Variants in SGIP1 observed in about 807,000 individuals in gnomAD.
SGIP1 encodes SH3GL interacting endocytic adaptor 1, also known as SH3-containing GRB2-like protein 3-interacting protein 1.
Under a neutral mutation model 107.5 loss-of-function variants are expected in SGIP1, and 38 were observed. The ratio of observed to expected loss-of-function variants is 0.35; its 90% CI spans 0.27 to 0.46. SGIP1 has a LOEUF of 0.46. Among genes scored for constraint, SGIP1 ranks in the 20% least tolerant of loss-of-function variants. SGIP1 has a pLI of 1.00. For missense variants in SGIP1, 929 were observed against 1,019.5 expected, an observed-to-expected ratio of 0.91 and a Z score of 1.21; for synonymous variants, 365 against 366.1, an observed-to-expected ratio of 1.00 and a Z score of 0.03.
At chr1:66,632,167 T>C (rs1223883995) in intron 2 of SGIP1, among the ~76,000 whole-genome samples, 2 of 152,204 alleles carry the variant, frequency 1.3e-5, no homozygotes, top group Non-Finnish European at 2.9e-5. Context: ...TCTCTATATA[T>C]TATCTTATTT....
chr1:66,740,899 C>T (rs1174973979), intron 23 of SGIP1, among the ~76,000 whole-genome samples, 177 bp downstream of exon 23: 1 of 152,106 alleles, frequency 6.6e-6, no homozygotes, highest in Non-Finnish European at 1.5e-5. Flanking sequence ...TTCTCTTTTT[C>T]CCCTTTTCTA....
intron 9 of SGIP1, 45 bp downstream of exon 9, chr1:66,667,586 T>C (rs770273978): frequency 1.2e-6 from 2 of 1,603,954 alleles, no homozygotes; most frequent in South Asian, 2.2e-5. Context: ...ATAGAGAAAA[T>C]TGCTGCCAAG....
At chr1:66,683,857 C>A (rs990507610) in intron 15 of SGIP1, among the ~76,000 whole-genome samples, 2 of 151,652 alleles carry the variant, frequency 1.3e-5, no homozygotes, top group African/African-American at 4.8e-5. Context: ...GTGTGTGCCA[C>A]CAGACCCAGC....
At chr1:66,697,447 T>C (rs570926327) in intron 18 of SGIP1, among the ~76,000 whole-genome samples, 1 of 152,214 alleles carries the variant, frequency 6.6e-6, no homozygotes. Flanking sequence ...TCTCTAGTAC[T>C]GTATTATCTT....
intron 1 of SGIP1, among the ~76,000 whole-genome samples, chr1:66,542,924 A>G (rs1436571236): frequency 2.6e-5 from 4 of 152,232 alleles, no homozygotes; most frequent in African/African-American, 9.7e-5. Context: ...TAACGGCGTA[A>G]CTGGAAAATC....
At chr1:66,583,016 A>G (rs2062030599) in intron 1 of SGIP1, among the ~76,000 whole-genome samples, 1 of 152,042 alleles carries the variant, frequency 6.6e-6, no homozygotes, top group African/African-American at 2.4e-5. Context: ...ACATATTTAT[A>G]ACATTTTTAT....
rs1414646435 is a variant in SGIP1 at position 66,745,755 on chromosome 1, A to G, written c.*2660A>G. ...TTAAAAGGTTCTGCTTTAGCAAGAT[A>G]AAAAGTATAAATGATGCTACTTTAT... On this transcript the variant is annotated 3_prime_UTR_variant, in exon 25 of 25. Coordinates refer to ENST00000371037, the MANE Select transcript of SGIP1 (RefSeq NM_032291.4). The G allele has an allele frequency of 6.6e-6, 1 of 152,128 alleles. No individual in the cohort carries two copies. The highest frequency in any genetic ancestry group is 1.9e-4 in the East Asian group (1 of 5,196). 9.4% of individuals were successfully genotyped at this position (152,128 alleles called of 1,614,324 possible).
In SGIP1 at chr1:66,600,185, A is replaced by G. The variant is rs192897376; in HGVS notation, c.11-25662A>G. On this transcript the variant is annotated intron_variant, in intron 1 of 24. Transcript: ENST00000371037. ...CCTTTGTGCCTTTGGGCTCATTTCA[A>G]TAGGTTTATAGAAATTTAATTTTTT... Among the ~76,000 whole-genome samples, 245 of 152,326 alleles carry G rather than the reference A, an allele frequency of 1.6e-3. 3 individuals carry two copies. The highest frequency in any genetic ancestry group is 3.2e-4 in the Non-Finnish European group (22 of 68,040).
chr1:66,643,015 C>A (rs563698222), intron 6 of SGIP1, 151 bp downstream of exon 6: 2 of 652,412 alleles, frequency 3.1e-6, no homozygotes, highest in East Asian at 2.8e-5. Flanking sequence ...ACTGAGAACA[C>A]CCTGAGCTCT....
intron 21 of SGIP1, among the ~76,000 whole-genome samples, chr1:66,736,855 A>G (rs1048625444): frequency 2.6e-5 from 4 of 152,056 alleles, no homozygotes; most frequent in Admixed American, 6.6e-5. Flanking sequence ...AAATTGTTGT[A>G]AGAAAACCAT....
At position 66,689,707 on chromosome 1, in the gene SGIP1, G is replaced by T. The variant is rs555940053; in HGVS notation, c.1443+432G>T. 9.2e-5 allele frequency among the ~76,000 whole-genome samples: 14 copies of T among 152,332 alleles called. No individual in the cohort carries two copies. The East Asian group carries it at 2.7e-3, about 29-fold the overall frequency. Reference sequence around the variant, plus strand: ...GTGGCTTGAGGAATTTGTTGCAGAAGTTTCTTGCCTTGTGTTTTAAGGCTG... The same window carrying T: ...GTGGCTTGAGGAATTTGTTGCAGAATTTTCTTGCCTTGTGTTTTAAGGCTG... On this transcript the variant is annotated intron_variant, in intron 16 of 24. Transcript: ENST00000371037.
intron 1 of SGIP1, among the ~76,000 whole-genome samples, chr1:66,541,181 GTTTA>G (rs953744529): frequency 6.6e-6 from 1 of 152,242 alleles, no homozygotes; most frequent in African/African-American, 2.4e-5. Flanking sequence ...GTCTGGAACT[GTTTA>G]TTTATTCATC....
At position 66,750,060 on chromosome 1, in the gene SGIP1, T is replaced by G. The variant is rs1025771917; in HGVS notation, c.*6965T>G. ...GGGTGTGTGTGTGTGTGTGTGTGTG[T>G]GTGTGTGTCTCTTTCCTCTCTGTCT... On this transcript the variant is annotated 3_prime_UTR_variant, in exon 25 of 25. Coordinates refer to ENST00000371037, the MANE Select transcript of SGIP1 (RefSeq NM_032291.4). Among the ~76,000 whole-genome samples, 2 of 151,582 alleles carry G rather than the reference T, an allele frequency of 1.3e-5. No homozygotes were observed. The highest frequency in any genetic ancestry group is 1.5e-5 in the Non-Finnish European group (1 of 67,842).
intron 1 of SGIP1, among the ~76,000 whole-genome samples, chr1:66,566,264 T>A (rs7537454): frequency 0.34 from 51,392 of 151,848 alleles, 9,351 homozygotes; most frequent in African/African-American, 0.48. Context: ...AAGATCGATG[T>A]GAATAATGAG....
chr1:66,586,649 A>C (rs1270988839), intron 1 of SGIP1, among the ~76,000 whole-genome samples: 5 of 152,090 alleles, frequency 3.3e-5, no homozygotes, highest in African/African-American at 4.8e-5. Context: ...TATTTCCTCT[A>C]TATGCTTTTA....
intron 1 of SGIP1, among the ~76,000 whole-genome samples, chr1:66,557,298 T>C (rs1288469716): frequency 6.6e-6 from 1 of 152,162 alleles, no homozygotes; most frequent in Non-Finnish European, 1.5e-5. Context: ...ATTTTCCCAT[T>C]CCATACTCAG....
chr1:66,597,203 C>T (rs1409558870), intron 1 of SGIP1, among the ~76,000 whole-genome samples: 1 of 152,164 alleles, frequency 6.6e-6, no homozygotes, highest in African/African-American at 2.4e-5. Context: ...GCTTCTCTCT[C>T]TCCTCCCAAC....
At chr1:66,589,637 T>G (rs2063306723) in intron 1 of SGIP1, among the ~76,000 whole-genome samples, 1 of 152,146 alleles carries the variant, frequency 6.6e-6, no homozygotes, top group Non-Finnish European at 1.5e-5. Context: ...ATGCCATATT[T>G]GTTTGTATGT....
Position 66,625,601 on chromosome 1 carries a change from G to T in SGIP1, c.11-246G>T, listed in dbSNP as rs117571012. On this transcript the variant is annotated intron_variant, in intron 1 of 24. Coordinates refer to ENST00000371037, the MANE Select transcript of SGIP1 (RefSeq NM_032291.4). ...ATCTTGCAATCTTTTCTATACCCAT[G>T]TATCCATATATCCTTATGTTGCTTA... Among the ~76,000 whole-genome samples the T allele has an allele frequency of 4.9e-4, 75 of 152,324 alleles. 1 individual carries two copies. In the East Asian group the frequency reaches 0.013, roughly 26 times the overall value.
Sources: allele counts gnomAD v4.1 joint callset (sites outside exome capture counted in the v4.1 genomes callset), GRCh38; gene constraint gnomAD v4.1.1; transcripts MANE v1.5; gene names NCBI Gene and HGNC (gene_info 2026-07-23, HGNC 2026-07-21).